Variants in ZFHX3 observed in about 807,000 individuals in gnomAD.
ZFHX3 encodes zinc finger homeobox 3.
In ZFHX3, 42 loss-of-function variants were observed where a neutral mutation model predicts 279.1. The observed-to-expected ratio is 0.15, with a 90% CI of 0.12 to 0.19. The LOEUF (loss-of-function observed/expected upper bound fraction) is 0.19, where lower values mean the gene tolerates loss of function less well. ZFHX3 is among the 10% of genes least tolerant of loss of function. The pLI is 1.00. For synonymous variants in ZFHX3, 2,293 were observed against 1,957.8 expected, an observed-to-expected ratio of 1.17 and a Z score of -4.52; for missense variants, 4,981 against 4,754.0, an observed-to-expected ratio of 1.05 and a Z score of -1.40.
chr16:73,780,110 AATTTTTTTTTTTTTTTTTTTTT>A, intron 1 of ZFHX3, among the ~76,000 whole-genome samples: 1 of 44,744 alleles, frequency 2.2e-5, no homozygotes, highest in African/African-American at 4.9e-5. Flanking sequence ...ACTGCATTTG[AATTTTTTTTTTTTTTTTTTTTT>A]TTTTTTTTTT....
chr16:73,033,382 G>A (rs1003866548), intron 1 of ZFHX3, among the ~76,000 whole-genome samples: 5 of 152,142 alleles, frequency 3.3e-5, no homozygotes, highest in East Asian at 3.9e-4. Flanking sequence ...CAAGAACTGC[G>A]TCTTAGCTGA....
At chr16:72,951,339 C>T (rs1393052957) in intron 2 of ZFHX3, among the ~76,000 whole-genome samples, 3 of 152,038 alleles carry the variant, frequency 2.0e-5, no homozygotes, top group African/African-American at 7.2e-5. Context: ...CAGCTCACGG[C>T]AACCTCTGCC....
chr16:73,756,344 A>T (rs2053808981), intron 1 of ZFHX3, among the ~76,000 whole-genome samples: 1 of 152,142 alleles, frequency 6.6e-6, no homozygotes, highest in African/African-American at 2.4e-5. Flanking sequence ...TCCGGTAAAA[A>T]TTGCAGCTAC....
chr16:73,670,246 T>C (rs1329585554), intron 2 of ZFHX3, among the ~76,000 whole-genome samples: 1 of 152,182 alleles, frequency 6.6e-6, no homozygotes, highest in Non-Finnish European at 1.5e-5. Context: ...CCCAAGTTTT[T>C]ACAGAATTTA....
At chr16:72,838,757 A>G (rs1465988257) in intron 4 of ZFHX3, among the ~76,000 whole-genome samples, 8 of 152,346 alleles carry the variant, frequency 5.3e-5, no homozygotes, top group African/African-American at 1.9e-4. Flanking sequence ...TATTGCAACA[A>G]GTTCCATTTA....
rs559432971 is a variant in ZFHX3 at position 73,316,488 on chromosome 16, C to T, written c.-1194+1752G>A. 6.6e-5 allele frequency among the ~76,000 whole-genome samples: 10 copies of T among 152,250 alleles called. No homozygotes were observed. The South Asian group carries it at 1.5e-3, about 22-fold the overall frequency. ...CAATGGACTGTTCCTTCTCTGACCTCGGATGATTTAAGTCATCTCTACCAT... is the reference window on the plus strand; with the variant it reads ...CAATGGACTGTTCCTTCTCTGACCTTGGATGATTTAAGTCATCTCTACCAT... On this transcript the variant is annotated intron_variant, in intron 4 of 17. Transcript: ENST00000641206.
intron 2 of ZFHX3, among the ~76,000 whole-genome samples, chr16:73,620,829 A>G (rs1409414095): frequency 6.6e-6 from 1 of 152,238 alleles, no homozygotes; most frequent in Non-Finnish European, 1.5e-5. Flanking sequence ...TCAACATTCA[A>G]AGTTAGTAGA....
rs531834395 is a variant in ZFHX3, at chr16:72,954,972, T to C, written c.2719+2455A>G. ...ATAACACCTACAGCCATCTTATAAA[T>C]GGACCATGGGGAAAAAAAACCAGTA... On this transcript the variant is annotated intron_variant, in intron 2 of 9. Transcript: ENST00000268489. 2.3e-3 allele frequency among the ~76,000 whole-genome samples: 345 copies of C among 152,316 alleles called. 1 individual carries two copies. The highest frequency in any genetic ancestry group is 3.6e-3 in the Non-Finnish European group (243 of 68,022).
At chr16:73,716,901 T>C (rs1350746318) in intron 1 of ZFHX3, among the ~76,000 whole-genome samples, 2 of 151,936 alleles carry the variant, frequency 1.3e-5, no homozygotes, top group African/African-American at 4.8e-5. Context: ...CCCGTCATTA[T>C]TTTTTTTCAA....
intron 2 of ZFHX3, among the ~76,000 whole-genome samples, chr16:73,578,065 G>GCCACA (rs2051819150): frequency 1.3e-5 from 2 of 152,194 alleles, no homozygotes. Flanking sequence ...ATGGATGTGT[G>GCCACA]GCTCTGCTCA....
chr16:73,328,620 C>T (rs2015739977), intron 3 of ZFHX3, among the ~76,000 whole-genome samples: 2 of 152,138 alleles, frequency 1.3e-5, no homozygotes, highest in Non-Finnish European at 2.9e-5. Context: ...CACCTGTATC[C>T]AGAGTTCTCT....
intron 7 of ZFHX3, among the ~76,000 whole-genome samples, chr16:73,125,521 C>A (rs1966554465): frequency 6.6e-6 from 1 of 151,940 alleles, no homozygotes; most frequent in Non-Finnish European, 1.5e-5. Flanking sequence ...GAAAGGCAGA[C>A]CCACCCTTAA....
At chr16:72,926,157 T>C (rs140622948) in intron 3 of ZFHX3, among the ~76,000 whole-genome samples, 207 of 152,346 alleles carry the variant, frequency 1.4e-3, no homozygotes, top group Middle Eastern at 3.4e-3. Flanking sequence ...AATAATGTTG[T>C]TATGGGTCAT....
intron 1 of ZFHX3, among the ~76,000 whole-genome samples, chr16:73,028,407 G>A (rs1466002552): frequency 2.6e-5 from 4 of 152,170 alleles, no homozygotes; most frequent in Non-Finnish European, 4.4e-5. Context: ...TGGCCAGGCA[G>A]GCTCAGATCC....
intron 1 of ZFHX3, among the ~76,000 whole-genome samples, chr16:73,735,981 G>A (rs947101303): frequency 6.6e-6 from 1 of 150,556 alleles, no homozygotes; most frequent in Non-Finnish European, 1.5e-5. Flanking sequence ...ACATGTTATT[G>A]GGGATCTCCT....
chr16:73,838,746 A>C (rs1282442742), intron 1 of ZFHX3, among the ~76,000 whole-genome samples: 1 of 147,464 alleles, frequency 6.8e-6, no homozygotes, highest in Non-Finnish European at 1.5e-5. Context: ...GTGTGTGCGC[A>C]CATGCGTGTG....
chr16:73,357,738 C>T (rs964542569), intron 3 of ZFHX3, among the ~76,000 whole-genome samples: 9 of 152,116 alleles, frequency 5.9e-5, no homozygotes, highest in Admixed American at 4.6e-4. Context: ...TGGCCTGTGT[C>T]GGGAGGTGTG....
intron 5 of ZFHX3, among the ~76,000 whole-genome samples, chr16:72,827,358 C>T (rs2036958547): frequency 6.6e-6 from 1 of 152,168 alleles, no homozygotes; most frequent in Admixed American, 6.5e-5. Context: ...AAATAATCCT[C>T]GTAGCAATCC....
At chr16:72,960,651 A>G (rs1961534755) in intron 1 of ZFHX3, among the ~76,000 whole-genome samples, 1 of 152,158 alleles carries the variant, frequency 6.6e-6, no homozygotes, top group South Asian at 2.1e-4. Flanking sequence ...TCAGGGGAAC[A>G]CAGGGGAGGG....
Sources: allele counts gnomAD v4.1 joint callset (sites outside exome capture counted in the v4.1 genomes callset), GRCh38; gene constraint gnomAD v4.1.1; transcripts MANE v1.5; gene names NCBI Gene and HGNC (gene_info 2026-07-23, HGNC 2026-07-21).